Variants in PPL observed in about 807,000 individuals in gnomAD.
PPL encodes the protein 190 kDa paraneoplastic pemphigus antigen.
A neutral mutation model predicts 194.4 loss-of-function variants in PPL; 198 were observed. The ratio of observed to expected loss-of-function variants is 1.02; its 90% confidence interval spans 0.91 to 1.15. The LOEUF (loss-of-function observed/expected upper bound fraction) is 1.15. Ranked by LOEUF, PPL falls within the 50% of genes most tolerant of loss-of-function variation. The pLI is 0.00. For synonymous variants in PPL, 1,220 were observed against 972.4 expected (o/e 1.25, Z -4.74); for missense variants, 2,885 against 2,294.8 (o/e 1.26, Z -5.25).
At position 4,884,952 on chromosome 16, in the gene PPL, C is replaced by CT. The variant is rs1328774204; in HGVS notation, c.3702dup (p.Val1235SerfsTer3). ...TCAGGGTCAGTCTTGTACTTAATGA[C>CT]TTCCTTAGTCACCTCTTTGACTTCC... On this transcript the variant is annotated frameshift_variant, in exon 22 of 22. Coordinates refer to ENST00000345988, the MANE Select transcript of PPL (RefSeq NM_002705.5). LOFTEE classifies it high-confidence loss of function. The surrounding 1 kb of genome is among the most constrained non-coding windows in gnomAD (Gnocchi z 5.7). 1 of 1,614,152 alleles carries CT rather than the reference C, an allele frequency of 6.2e-7. No individual in the cohort carries two copies.
In PPL at chr16:4,902,790, A is replaced by C. The variant is rs1399403595; in HGVS notation, c.318-264T>G. Among the ~76,000 whole-genome samples, 5 of 152,122 alleles carry C rather than the reference A, an allele frequency of 3.3e-5. No individual in the cohort carries two copies. The East Asian group carries it at 9.7e-4, about 29-fold the overall frequency. On this transcript the variant is annotated intron_variant, in intron 3 of 21. Coordinates refer to ENST00000345988, the MANE Select transcript of PPL (RefSeq NM_002705.5). This position sits in a 1 kb window ranked among gnomAD's most constrained non-coding sequence, Gnocchi z 4.0. ...TGGCAGCCTCCGCCTCCCAGGTTCA[A>C]GCAATTCTCCTGCCTCAACCTCCCG... is the stretch of plus-strand genomic sequence containing the variant.
chr16:4,902,121 AC>A lies in PPL; in HGVS notation c.438+284del, dbSNP rs1471453688. Among the ~76,000 whole-genome samples, 1 of 152,066 alleles carries A rather than the reference AC, an allele frequency of 6.6e-6. No homozygotes were observed. The highest frequency in any genetic ancestry group is 1.5e-5 in the Non-Finnish European group (1 of 68,004). On this transcript the variant is annotated intron_variant, in intron 4 of 21. Coordinates refer to ENST00000345988, the MANE Select transcript of PPL (RefSeq NM_002705.5). This position sits in a 1 kb window ranked among gnomAD's most constrained non-coding sequence, Gnocchi z 4.0. ...AGCCTGCCCACAAAATGTCACCAAGACCCCAACATGCCAGGGTTGGAAAGTG... is the reference window on the plus strand; with the variant it reads ...AGCCTGCCCACAAAATGTCACCAAGACCCAACATGCCAGGGTTGGAAAGTG...
intron 11 of PPL, among the ~76,000 whole-genome samples, chr16:4,894,819 G>C (rs1488415811): frequency 6.6e-6 from 1 of 152,152 alleles, no homozygotes; most frequent in Admixed American, 6.5e-5. Context: ...ATTTCCCTTT[G>C]GGGAACCTTC....
At chr16:4,891,135 C>A (rs1207609508) in intron 16 of PPL, among the ~76,000 whole-genome samples, 1 of 152,250 alleles carries the variant, frequency 6.6e-6, no homozygotes, top group Non-Finnish European at 1.5e-5. Flanking sequence ...AAGCTAACTT[C>A]TAAAAACCCT....
At position 4,883,711 on chromosome 16, in the gene PPL, C is replaced by T. The variant is rs1050249989; in HGVS notation, c.4944G>A (p.Glu1648=). Residue 1648 remains glutamate, a synonymous_variant, in exon 22 of 22, where the codon GAG becomes GAA. Transcript: ENST00000345988. The surrounding 1 kb of genome is among the most constrained non-coding windows in gnomAD (Gnocchi z 4.8). ...KRLGSVAVKR[E]QRENHLRRSI... Reference sequence around the variant, plus strand: ...AGCGCCGCAGGTGGTTCTCCCGCTGCTCCCGCTTGACGGCCACGGAGCCCA... The same window carrying T: ...AGCGCCGCAGGTGGTTCTCCCGCTGTTCCCGCTTGACGGCCACGGAGCCCA... 3 of 1,613,930 alleles carry T rather than the reference C, an allele frequency of 1.9e-6. No homozygotes were observed. Among genetic ancestry groups the T allele is most frequent in the African/African-American group, 2.7e-5 (2 of 74,934 alleles).
At chr16:4,894,767 G>GA in intron 11 of PPL, 149 bp from the exon 12 acceptor site, 1 of 901,634 alleles carries the variant, frequency 1.1e-6, no homozygotes, top group Admixed American at 2.9e-5. Flanking sequence ...GCATGCAGGA[G>GA]AAGCACATGT....
chr16:4,928,462 G>A (rs2089187247), intron 1 of PPL, among the ~76,000 whole-genome samples: 1 of 152,234 alleles, frequency 6.6e-6, no homozygotes, highest in Non-Finnish European at 1.5e-5. Flanking sequence ...TTTTTGTCAT[G>A]CTTTGTAAGA....
In PPL at chr16:4,885,209, C is replaced by T. The variant is rs780327130; in HGVS notation, c.3446G>A (p.Arg1149Lys). Residue 1149 changes from arginine (R) to lysine (K), a missense_variant, in exon 22 of 22, where the codon AGG becomes AAG. Coordinates refer to ENST00000345988, the MANE Select transcript of PPL (RefSeq NM_002705.5). This position sits in a 1 kb window ranked among gnomAD's most constrained non-coding sequence, Gnocchi z 6.3. ...DEAAKARASQ[R>K]EKTELLRKIW... The stretch of plus-strand genomic sequence containing the variant: ...CTTTCGGAGCAGCTCCGTCTTCTCC[C>T]TCTGGCTAGCGCGAGCCTTGGCAGC... The T allele has an allele frequency of 6.2e-7, 1 of 1,614,072 alleles. No homozygotes were observed. Among genetic ancestry groups the T allele is most frequent in the Non-Finnish European group, 8.5e-7 (1 of 1,180,030 alleles).
At chr16:4,936,896 A>C in intron 1 of PPL, 88 bp downstream of exon 1, 1 of 1,333,274 alleles carries the variant, frequency 7.5e-7, no homozygotes, top group Non-Finnish European at 1.0e-6. Context: ...CGTACCCCCC[A>C]TTCCTACACT....
chr16:4,905,227 C>T (rs2142373851), intron 2 of PPL, among the ~76,000 whole-genome samples: 1 of 152,314 alleles, frequency 6.6e-6, no homozygotes, highest in African/African-American at 2.4e-5. Flanking sequence ...AAAATACCCG[C>T]TTATGAAGTG....
chr16:4,902,355 G>T lies in PPL; in HGVS notation c.438+51C>A. On this transcript the variant is annotated intron_variant, in intron 4 of 21. Transcript: ENST00000345988. This position sits in a 1 kb window ranked among gnomAD's most constrained non-coding sequence, Gnocchi z 4.0. ...GGTAGGCTCTCCCTGCACACGCACA[G>T]CCCCCTCCCCAGCTGAAACCCTGGA... The T allele has an allele frequency of 1.2e-6, 2 of 1,607,138 alleles. No homozygotes were observed. Among genetic ancestry groups the T allele is most frequent in the Non-Finnish European group, 8.5e-7 (1 of 1,176,418 alleles).
chr16:4,908,443 T>A (rs1343350136), intron 2 of PPL, among the ~76,000 whole-genome samples: 12 of 135,198 alleles, frequency 8.9e-5, no homozygotes, highest in African/African-American at 2.7e-4. Flanking sequence ...TCTCTCTCTC[T>A]CTCACACACA....
chr16:4,927,113 G>A (rs920277412), intron 1 of PPL, among the ~76,000 whole-genome samples: 1 of 152,120 alleles, frequency 6.6e-6, no homozygotes, highest in African/African-American at 2.4e-5. Flanking sequence ...AAATGTAAAT[G>A]AGTTAATTTT....
At chr16:4,912,074 A>T (rs1009253117) in intron 1 of PPL, among the ~76,000 whole-genome samples, 6 of 152,224 alleles carry the variant, frequency 3.9e-5, no homozygotes, top group Non-Finnish European at 5.9e-5. Context: ...CACATACCGT[A>T]AAATTCACCT....
intron 9 of PPL, among the ~76,000 whole-genome samples, chr16:4,896,690 A>G (rs1417930934): frequency 1.5e-5 from 2 of 136,730 alleles, no homozygotes; most frequent in African/African-American, 5.7e-5. Context: ...CCCAGGCTGG[A>G]GTGCAATGGC....
At position 4,895,647 on chromosome 16, in the gene PPL, C is replaced by T. The variant is rs1196112922; in HGVS notation, c.1042G>A (p.Gly348Ser). 2 of 1,613,984 alleles carry T rather than the reference C, an allele frequency of 1.2e-6. No individual in the cohort carries two copies. Among genetic ancestry groups the T allele is most frequent in the Non-Finnish European group, 1.7e-6 (2 of 1,180,050 alleles). ...TGGTACCGGTCCTTGAAGTCAGGGC[C>T]ATACTTCTGGTTCAGGTCCGAGTCC... ...KVDSDLNQKY[G>S]PDFKDRYQIE... The change falls in exon 10 of 22, where the codon GGC becomes AGC. Residue 348 changes from glycine to serine, a missense_variant. Gly to Ser is a moderately conservative substitution (Grantham distance 56, BLOSUM62 0). Transcript: ENST00000345988.
Position 4,916,538 on chromosome 16 carries a change from C to T in PPL, c.63-5589G>A, listed in dbSNP as rs2088920148. 2.6e-5 allele frequency among the ~76,000 whole-genome samples: 4 copies of T among 152,150 alleles called. No individual in the cohort carries two copies. The South Asian group carries it at 8.3e-4, about 32-fold the overall frequency. On this transcript the variant is annotated intron_variant, in intron 1 of 21. Transcript: ENST00000345988. Reference sequence around the variant, plus strand: ...TATTATTTTTTGAGACAGGGTCTCACTCTGTTGCCCAGGCTGGACTGCAGT... The same window carrying T: ...TATTATTTTTTGAGACAGGGTCTCATTCTGTTGCCCAGGCTGGACTGCAGT...
chr16:4,929,124 C>T (rs1414966675), intron 1 of PPL, among the ~76,000 whole-genome samples: 1 of 150,266 alleles, frequency 6.7e-6, no homozygotes, highest in East Asian at 2.0e-4. Flanking sequence ...GAATTTATCT[C>T]AGACAATGTA....
At chr16:4,891,745 G>A in intron 16 of PPL, 66 bp downstream of exon 16, 3 of 1,528,484 alleles carry the variant, frequency 2.0e-6, no homozygotes, top group South Asian at 2.6e-5. Context: ...CAGACGGGCG[G>A]GTGGATGTGC....
Sources: gnomAD v4.1 joint callset for allele counts (sites outside exome capture counted in the v4.1 genomes callset) on GRCh38, gnomAD v4.1.1 for gene constraint, Gnocchi (gnomAD v3.1) non-coding constraint, MANE v1.5 for transcripts, NCBI Gene and HGNC (gene_info 2026-07-23, HGNC 2026-07-21) for gene names.